Variants in ZDHHC20 observed in about 807,000 individuals in gnomAD.
ZDHHC20 encodes zDHHC palmitoyltransferase 20.
Under a neutral mutation model 57.8 loss-of-function variants are expected in ZDHHC20, and 43 were observed. The observed-to-expected ratio is 0.74, with a 90% CI of 0.58 to 0.96. The LOEUF is 0.96. ZDHHC20 is among the 40% of genes least tolerant of loss of function. The pLI is 0.00. For synonymous variants in ZDHHC20, 157 were observed against 153.0 expected (o/e 1.03, Z -0.19); for missense variants, 391 against 441.1 (o/e 0.89, Z 1.02).
intron 3 of ZDHHC20, among the ~76,000 whole-genome samples, chr13:21,418,961 GC>G (rs1269919083): frequency 3.3e-5 from 5 of 152,138 alleles, no homozygotes; most frequent in African/African-American, 9.7e-5. Context: ...ACAGGCATAA[GC>G]CACCACGCCT....
chr13:21,420,160 G>A (rs1880488404), intron 3 of ZDHHC20, among the ~76,000 whole-genome samples: 1 of 152,164 alleles, frequency 6.6e-6, no homozygotes, highest in African/African-American at 2.4e-5. Context: ...GGTGATGCGT[G>A]CCTGTAATCC....
At chr13:21,438,996 T>C (rs772911280) in intron 1 of ZDHHC20, among the ~76,000 whole-genome samples, 2 of 152,216 alleles carry the variant, frequency 1.3e-5, no homozygotes, top group Non-Finnish European at 2.9e-5. Context: ...CACAATGCTA[T>C]TGCACACTTA....
At chr13:21,439,649 G>C (rs1882920701) in intron 1 of ZDHHC20, among the ~76,000 whole-genome samples, 2 of 152,190 alleles carry the variant, frequency 1.3e-5, no homozygotes, top group African/African-American at 2.4e-5. Flanking sequence ...TGTGATCCTA[G>C]ACTGAACTGT....
chr13:21,423,695 A>AAT (rs1469054128), intron 2 of ZDHHC20, among the ~76,000 whole-genome samples: 1 of 150,432 alleles, frequency 6.6e-6, no homozygotes, highest in African/African-American at 2.4e-5. Context: ...AAAAAGAAAA[A>AAT]ATATATATAT....
At chr13:21,440,381 C>T (rs1327065083) in intron 1 of ZDHHC20, among the ~76,000 whole-genome samples, 2 of 151,964 alleles carry the variant, frequency 1.3e-5, no homozygotes, top group African/African-American at 4.8e-5. Context: ...GAGGCCGAGG[C>T]GGGTGGATCA....
chr13:21,413,438 G>A (rs1226316617), intron 4 of ZDHHC20, among the ~76,000 whole-genome samples: 1 of 152,068 alleles, frequency 6.6e-6, no homozygotes, highest in African/African-American at 2.4e-5. Context: ...TCATATTAAA[G>A]CGGGCCCCTT....
chr13:21,444,911 C>T (rs1453793018), intron 1 of ZDHHC20, among the ~76,000 whole-genome samples: 1 of 151,964 alleles, frequency 6.6e-6, no homozygotes, highest in Non-Finnish European at 1.5e-5. Context: ...CAAAAATTGG[C>T]CGGCCATGGT....
intron 1 of ZDHHC20, among the ~76,000 whole-genome samples, chr13:21,436,196 T>C (rs1251300863): frequency 6.6e-6 from 1 of 152,228 alleles, no homozygotes; most frequent in Non-Finnish European, 1.5e-5. Flanking sequence ...TGTACCTTTA[T>C]AGAATGGAGA....
rs796927362 is a variant in ZDHHC20, at chr13:21,379,288, C to CA, written c.1061-551_1061-550insT. Among the ~76,000 whole-genome samples the CA allele has an allele frequency of 2.1e-5, 3 of 145,950 alleles. No homozygotes were observed. In the East Asian group the frequency reaches 5.9e-4, roughly 29 times the overall value. ...ATGTCCAGAATCATTTTTCTTTTTCCTTTTTTTTTTTGAGACAGGGTCTTG... is the reference window on the plus strand; with the variant it reads ...ATGTCCAGAATCATTTTTCTTTTTCCATTTTTTTTTTTGAGACAGGGTCTTG... On this transcript the variant is annotated intron_variant, in intron 11 of 12. Coordinates refer to ENST00000400590, the MANE Select transcript of ZDHHC20 (RefSeq NM_001330059.2).
intron 3 of ZDHHC20, among the ~76,000 whole-genome samples, chr13:21,418,140 T>C (rs1054609098): frequency 2.7e-4 from 41 of 152,214 alleles, no homozygotes; most frequent in African/African-American, 9.4e-4. Flanking sequence ...AACGTAAATA[T>C]CCCTGCCCTC....
Position 21,414,766 on chromosome 13 carries a change from T to C in ZDHHC20, c.250-994A>G, listed in dbSNP as rs116603626. ...TAATAGCATTTTCCCTTCAGAGTACTTGTTTATGTTTAATTGTTCTTTTCA... is the reference window on the plus strand; with the variant it reads ...TAATAGCATTTTCCCTTCAGAGTACCTGTTTATGTTTAATTGTTCTTTTCA... On this transcript the variant is annotated intron_variant, in intron 3 of 12. Coordinates refer to ENST00000400590, the MANE Select transcript of ZDHHC20 (RefSeq NM_001330059.2). Among the ~76,000 whole-genome samples the C allele has an allele frequency of 4.5e-3, 682 of 152,122 alleles. 1 individual carries two copies. The highest frequency in any genetic ancestry group is 0.015 in the African/African-American group (642 of 41,538).
rs148722175 is a variant in ZDHHC20, at chr13:21,418,858, AG to A, written c.249+2202del. On this transcript the variant is annotated intron_variant, in intron 3 of 12. Coordinates refer to ENST00000400590, the MANE Select transcript of ZDHHC20 (RefSeq NM_001330059.2). ...CCAGCTAATTTTTTTTATTCTTTGTAGAGATGGGGTTTGCTACATTGCCAAG... is the reference window on the plus strand; with the variant it reads ...CCAGCTAATTTTTTTTATTCTTTGTAAGATGGGGTTTGCTACATTGCCAAG... Among the ~76,000 whole-genome samples the A allele has an allele frequency of 5.5e-4, 84 of 152,166 alleles. 4 individuals carry two copies. The East Asian group carries it at 0.014, about 26-fold the overall frequency.
chr13:21,392,780 A>G (rs1026185784), intron 7 of ZDHHC20, among the ~76,000 whole-genome samples: 1 of 152,240 alleles, frequency 6.6e-6, no homozygotes, highest in African/African-American at 2.4e-5. Flanking sequence ...GACTATTAGC[A>G]TTAGGTTATT....
intron 1 of ZDHHC20, among the ~76,000 whole-genome samples, chr13:21,437,025 A>G (rs1270098399): frequency 6.6e-6 from 1 of 152,240 alleles, no homozygotes. Flanking sequence ...GAATAGATGA[A>G]TAAGAAAGTG....
intron 9 of ZDHHC20, among the ~76,000 whole-genome samples, chr13:21,386,241 G>A (rs1874461841): frequency 6.6e-6 from 1 of 152,166 alleles, no homozygotes; most frequent in African/African-American, 2.4e-5. Context: ...AGGACTGTGA[G>A]TGACTGATAA....
At chr13:21,394,444 T>C (rs915355138) in intron 7 of ZDHHC20, among the ~76,000 whole-genome samples, 2 of 152,198 alleles carry the variant, frequency 1.3e-5, no homozygotes, top group Non-Finnish European at 2.9e-5. Flanking sequence ...ATTTATTACT[T>C]GTCCCCCTCC....
In ZDHHC20 at chr13:21,421,136, G is replaced by A. The variant is rs556139149; in HGVS notation, c.174C>T (p.Phe58=). ...ATACAAACATAACAAAGAACAGATG[G>A]AAAGCCACAAGGTAAACAACGGTCT... ...NGKTVVYLVA[F]HLFFVMFVWS... Residue 58 remains phenylalanine (F), a synonymous_variant, in exon 3 of 13, where the codon TTC becomes TTT. Coordinates refer to ENST00000400590, the MANE Select transcript of ZDHHC20 (RefSeq NM_001330059.2). The A allele has an allele frequency of 4.5e-5, 73 of 1,613,172 alleles. No individual in the cohort carries two copies. The South Asian group carries it at 7.7e-4, about 17-fold the overall frequency.
rs191654395 is a variant in ZDHHC20, at chr13:21,376,613, C to A, written c.*83G>T. 9 of 1,375,658 alleles carry A rather than the reference C, an allele frequency of 6.5e-6. No individual in the cohort carries two copies. In the African/African-American group the frequency reaches 8.9e-5, roughly 14 times the overall value. 85.2% of individuals were successfully genotyped at this position (1,375,658 alleles called of 1,614,324 possible). On this transcript the variant is annotated 3_prime_UTR_variant, in exon 13 of 13. Transcript: ENST00000400590. ...TTTCATTCCACTGATCATTTTCTTG[C>A]AAATGAAAATTGAAAATACCAGTCT...
rs1168059792 is a variant in ZDHHC20, at chr13:21,376,659, C to CA, written c.*41-5dup. 5.0e-6 allele frequency: 7 copies of CA among 1,410,512 alleles called. No homozygotes were observed. The highest frequency in any genetic ancestry group is 5.3e-5 in the Admixed American group (2 of 37,824). 87.4% of individuals were successfully genotyped at this position (1,410,512 alleles called of 1,614,324 possible). A position where few individuals can be genotyped will look rare whatever the true frequency, so the allele number is the denominator to read the frequency against. On this transcript the variant is annotated splice_polypyrimidine_tract_variant and splice_region_variant and intron_variant, in intron 12 of 12. Coordinates refer to ENST00000400590, the MANE Select transcript of ZDHHC20 (RefSeq NM_001330059.2). ...AGTCTATAATGTTTTCATACACCTACAAAAAAAGAAACAAATTATTGGTTA... is the reference window on the plus strand; with the variant it reads ...AGTCTATAATGTTTTCATACACCTACAAAAAAAAGAAACAAATTATTGGTTA...
Sources: gnomAD v4.1 joint callset for allele counts (sites outside exome capture counted in the v4.1 genomes callset) on GRCh38, gnomAD v4.1.1 for gene constraint, MANE v1.5 for transcripts, NCBI Gene and HGNC (gene_info 2026-07-23, HGNC 2026-07-21) for gene names.